The following LIPI variants were observed in gnomAD, a reference collection of about 807,000 sequenced individuals.
LIPI encodes lipase member I.
Under a neutral mutation model 50.6 loss-of-function variants are expected in LIPI, and 59 were observed. That is an observed-to-expected ratio of 1.16 (90% confidence interval 0.94 to 1.45). The LOEUF (loss-of-function observed/expected upper bound fraction) is 1.45. Ranked by LOEUF, LIPI falls within the 40% of genes most tolerant of loss-of-function variation. The pLI, the probability that LIPI is intolerant of heterozygous loss-of-function variation, is 0.00. For synonymous variants in LIPI, 203 were observed against 178.2 expected, an observed-to-expected ratio of 1.14 and a Z score of -1.11; for missense variants, 586 against 536.3, an observed-to-expected ratio of 1.09 and a Z score of -0.92.
intron 9 of LIPI, among the ~76,000 whole-genome samples, chr21:14,143,013 A>G (rs913344425): frequency 6.6e-6 from 1 of 152,248 alleles, no homozygotes; most frequent in East Asian, 1.9e-4. Context: ...AGTGTTTTAT[A>G]GAAACTCTAG....
chr21:14,170,424 T>G (rs1179965211), intron 4 of LIPI, among the ~76,000 whole-genome samples: 1 of 152,130 alleles, frequency 6.6e-6, no homozygotes, highest in East Asian at 1.9e-4. Flanking sequence ...AAGAGAATTT[T>G]AGACCAATAT....
At chr21:14,185,190 G>C (rs550116520) in intron 3 of LIPI, among the ~76,000 whole-genome samples, 1 of 152,126 alleles carries the variant, frequency 6.6e-6, no homozygotes, top group Non-Finnish European at 1.5e-5. Context: ...CAGTAACTTT[G>C]TTATAGAAAT....
chr21:14,175,601 AT>A (rs2019066491), intron 4 of LIPI, among the ~76,000 whole-genome samples: 1 of 151,954 alleles, frequency 6.6e-6, no homozygotes, highest in African/African-American at 2.4e-5. Flanking sequence ...CTTTGGGAAA[AT>A]ATTATTCATT....
At chr21:14,138,805 G>A (rs913276432) in intron 9 of LIPI, among the ~76,000 whole-genome samples, 13 of 151,962 alleles carry the variant, frequency 8.6e-5, no homozygotes, top group South Asian at 2.1e-4. Flanking sequence ...AAATACATAC[G>A]TGCATTTTAG....
chr21:14,145,263 G>A (rs551139447), intron 8 of LIPI, among the ~76,000 whole-genome samples: 4 of 152,240 alleles, frequency 2.6e-5, no homozygotes, highest in African/African-American at 9.6e-5. Flanking sequence ...ACAATTTTCT[G>A]TGCATTTACA....
chr21:14,175,488 T>C (rs565084959), intron 4 of LIPI, among the ~76,000 whole-genome samples: 1 of 152,198 alleles, frequency 6.6e-6, no homozygotes, highest in South Asian at 2.1e-4. Context: ...TACTGCTTTT[T>C]TTTATGGCTT....
At chr21:14,202,829 A>C (rs1419729392) in intron 1 of LIPI, among the ~76,000 whole-genome samples, 1 of 151,960 alleles carries the variant, frequency 6.6e-6, no homozygotes, top group Non-Finnish European at 1.5e-5. Context: ...CAAAACTGAC[A>C]AATGGGATCT....
At chr21:14,183,334 T>C (rs2019340081) in intron 3 of LIPI, among the ~76,000 whole-genome samples, 1 of 152,194 alleles carries the variant, frequency 6.6e-6, no homozygotes, top group Non-Finnish European at 1.5e-5. Flanking sequence ...TCAAGATGGA[T>C]TAAAGACTTA....
chr21:14,183,460 C>A (rs540806627), intron 3 of LIPI, among the ~76,000 whole-genome samples: 105 of 152,164 alleles, frequency 6.9e-4, no homozygotes, highest in African/African-American at 2.4e-3. Flanking sequence ...GCAACAAAAG[C>A]CAAAATTGAG....
In LIPI at chr21:14,144,764, T is replaced by C. The variant is rs773334224; in HGVS notation, c.1154A>G (p.Lys385Arg). The change falls in exon 9 of 10, where the codon AAG (lysine) becomes AGG (arginine). Residue 385 changes from lysine to arginine, a missense_variant. Lys to Arg is a conservative substitution (Grantham distance 26). Coordinates refer to ENST00000681601, the MANE Select transcript of LIPI (RefSeq NM_001302998.2). ...NKPFYKLQEV[K>R]ILAQFYNDFV... The stretch of plus-strand genomic sequence containing the variant: ...GTCATTATAAAATTGAGCAAGAATC[T>C]TGACTTCTTGAAGTTTATAAAATGG... 1 of 1,581,122 alleles carries C rather than the reference T, an allele frequency of 6.3e-7. No individual in the cohort carries two copies. Among genetic ancestry groups the C allele is most frequent in the Non-Finnish European group, 8.7e-7 (1 of 1,150,952 alleles).
chr21:14,115,058 A>G (rs11701850), intron 9 of LIPI, among the ~76,000 whole-genome samples: 27,012 of 152,084 alleles, frequency 0.18, 3,118 homozygotes, highest in Non-Finnish European at 0.25. Flanking sequence ...GACAACCAAG[A>G]CATTTTTACT....
At chr21:14,124,421 C>T (rs1286084396) in intron 9 of LIPI, among the ~76,000 whole-genome samples, 5 of 152,150 alleles carry the variant, frequency 3.3e-5, no homozygotes, top group Non-Finnish European at 7.3e-5. Flanking sequence ...CCCCCGACCC[C>T]GCCCCGGTAG....
At chr21:14,154,448 GA>G (rs1407246976) in intron 7 of LIPI, among the ~76,000 whole-genome samples, 1 of 151,822 alleles carries the variant, frequency 6.6e-6, no homozygotes, top group Non-Finnish European at 1.5e-5. Flanking sequence ...ACTTCAGCAA[GA>G]AAAACGTTAA....
At chr21:14,151,750 G>C (rs569792468) in intron 8 of LIPI, among the ~76,000 whole-genome samples, 2 of 152,058 alleles carry the variant, frequency 1.3e-5, no homozygotes, top group South Asian at 4.1e-4. Flanking sequence ...ACAAGCTCAA[G>C]CCAAGAGCAT....
At chr21:14,171,431 A>T (rs1010331700) in intron 4 of LIPI, among the ~76,000 whole-genome samples, 56 of 151,272 alleles carry the variant, frequency 3.7e-4, no homozygotes, top group South Asian at 1.9e-3. Context: ...CAAAAGAACA[A>T]AGTTGGAGGC....
intron 9 of LIPI, among the ~76,000 whole-genome samples, chr21:14,113,229 T>C (rs1013346456): frequency 6.6e-6 from 1 of 152,174 alleles, no homozygotes; most frequent in African/African-American, 2.4e-5. Flanking sequence ...AGCTGGAAAA[T>C]GGACCCATAT....
At chr21:14,160,156 C>T (rs139068059) in intron 7 of LIPI, among the ~76,000 whole-genome samples, 189 of 151,288 alleles carry the variant, frequency 1.2e-3, no homozygotes, top group Non-Finnish European at 1.2e-3. Flanking sequence ...AATGTACATA[C>T]ACTAGAAGAT....
At chr21:14,138,260 G>T (rs1387278168) in intron 9 of LIPI, among the ~76,000 whole-genome samples, 1 of 151,740 alleles carries the variant, frequency 6.6e-6, no homozygotes, top group Admixed American at 6.6e-5. Flanking sequence ...TAATATAACA[G>T]GATAGATAGA....
intron 1 of LIPI, among the ~76,000 whole-genome samples, chr21:14,199,251 T>A: frequency 6.6e-6 from 1 of 151,170 alleles, no homozygotes; most frequent in Non-Finnish European, 1.5e-5. Context: ...AAATCAGAGC[T>A]GAACTGACGG....
Sources: gnomAD v4.1 joint callset for allele counts (sites outside exome capture counted in the v4.1 genomes callset) on GRCh38, gnomAD v4.1.1 for gene constraint, MANE v1.5 for transcripts, NCBI Gene and HGNC (gene_info 2026-07-23, HGNC 2026-07-21) for gene names.